KAZN: variants seen among roughly 807,000 people sequenced by gnomAD.
KAZN encodes kazrin.
In KAZN, 40 loss-of-function variants were observed where a neutral mutation model predicts 87.4. The observed-to-expected ratio is 0.46, with a 90% CI of 0.36 to 0.60. The LOEUF (loss-of-function observed/expected upper bound fraction) is 0.60, where lower values mean the gene tolerates loss of function less well. Ranked by LOEUF, KAZN falls within the 20% of genes least tolerant of loss-of-function variation. The pLI is 0.00. For missense variants in KAZN, 898 were observed against 1,073.9 expected (o/e 0.84, Z 2.29); for synonymous variants, 466 against 458.3 (o/e 1.02, Z -0.22).
chr1:15,100,431 C>T (rs1319854109), intron 10 of KAZN, among the ~76,000 whole-genome samples: 3 of 152,146 alleles, frequency 2.0e-5, no homozygotes, highest in South Asian at 2.1e-4. Flanking sequence ...CTGATGGCTT[C>T]GTGGCCCCCT....
chr1:14,693,924 G>A (rs1228509957), intron 1 of KAZN, among the ~76,000 whole-genome samples: 1 of 152,226 alleles, frequency 6.6e-6, no homozygotes, highest in Non-Finnish European at 1.5e-5. Context: ...CTGCGACCAT[G>A]ATGGTCTGTT....
Position 15,021,624 on chromosome 1 carries a change from G to T in KAZN, c.419-13125G>T, listed in dbSNP as rs183145535. On this transcript the variant is annotated intron_variant, in intron 2 of 14. Transcript: ENST00000376030. The surrounding 1 kb of genome is among the most constrained non-coding windows in gnomAD (Gnocchi z 4.2). ...AGGTGACCTCTGAGCTCTTCCAGGG[G>T]CAGTCCTGAGCCGGGGTGGTGGCAG... 1.3e-4 allele frequency among the ~76,000 whole-genome samples: 20 copies of T among 152,298 alleles called. No individual in the cohort carries two copies. The highest frequency in any genetic ancestry group is 2.4e-4 in the Non-Finnish European group (16 of 68,024).
intron 2 of KAZN, among the ~76,000 whole-genome samples, chr1:14,984,014 A>G (rs906258209): frequency 3.9e-5 from 6 of 152,202 alleles, no homozygotes; most frequent in Admixed American, 1.3e-4. Flanking sequence ...TGAAGTTTAT[A>G]TAGATTTGTA....
intron 1 of KAZN, among the ~76,000 whole-genome samples, chr1:14,676,717 G>A (rs1372333328): frequency 6.6e-6 from 1 of 152,172 alleles, no homozygotes; most frequent in Non-Finnish European, 1.5e-5. Flanking sequence ...TATATTGTAT[G>A]ATCCCATTTA....
rs140045144 is a variant in KAZN, at chr1:15,009,020, G to A, written c.419-25729G>A. The stretch of plus-strand genomic sequence containing the variant: ...TCTCTTGCAGAAGTAAATAAAGCCC[G>A]TGTGCTGAGTTGGCAGTTTTGCACA... On this transcript the variant is annotated intron_variant, in intron 2 of 14. Coordinates refer to ENST00000376030, the MANE Select transcript of KAZN (RefSeq NM_201628.3). Among the ~76,000 whole-genome samples the A allele has an allele frequency of 3.1e-3, 474 of 152,288 alleles. 3 individuals are homozygous for A. The highest frequency in any genetic ancestry group is 0.02 in the Middle Eastern group (6 of 294).
chr1:14,451,962 T>TG (rs1421722361), intron 2 of KAZN, among the ~76,000 whole-genome samples: 10 of 152,142 alleles, frequency 6.6e-5, no homozygotes, highest in African/African-American at 2.4e-4. Context: ...TGTTTTAAGA[T>TG]GGAGTCTCGC....
chr1:14,722,795 CTACGTGAGT>C (rs1557916619), intron 1 of KAZN, among the ~76,000 whole-genome samples: 7 of 152,130 alleles, frequency 4.6e-5, no homozygotes, highest in Non-Finnish European at 8.8e-5. Context: ...GCCCCTGTTC[CTACGTGAGT>C]TTGAAGCAAA....
chr1:14,660,360 A>G (rs925791673), intron 1 of KAZN, among the ~76,000 whole-genome samples: 3 of 152,198 alleles, frequency 2.0e-5, no homozygotes, highest in Non-Finnish European at 4.4e-5. Flanking sequence ...CAAGGCAGAT[A>G]CTGTCATAGA....
chr1:14,419,533 C>G (rs1036967359), intron 2 of KAZN, among the ~76,000 whole-genome samples: 1 of 152,138 alleles, frequency 6.6e-6, no homozygotes, highest in South Asian at 2.1e-4. Context: ...GGGAAGTGTC[C>G]GGAATTTGTG....
intron 2 of KAZN, among the ~76,000 whole-genome samples, chr1:14,961,865 T>C (rs1172768341): frequency 6.6e-6 from 1 of 152,220 alleles, no homozygotes; most frequent in Non-Finnish European, 1.5e-5. Flanking sequence ...TTAAAGAATC[T>C]GTTTCTTCCT....
At chr1:14,664,778 C>T (rs374516717) in intron 1 of KAZN, among the ~76,000 whole-genome samples, 28 of 151,646 alleles carry the variant, frequency 1.8e-4, no homozygotes, top group African/African-American at 6.5e-4. Context: ...CTCAGCCTCC[C>T]GAGTAGCTGG....
intron 1 of KAZN, among the ~76,000 whole-genome samples, chr1:14,839,589 A>T (rs1207911758): frequency 6.6e-6 from 1 of 152,144 alleles, no homozygotes; most frequent in Non-Finnish European, 1.5e-5. Flanking sequence ...CTGTCTCTCT[A>T]TTCTGACGGC....
intron 2 of KAZN, among the ~76,000 whole-genome samples, chr1:14,534,124 A>G (rs1357207251): frequency 1.3e-5 from 2 of 152,166 alleles, no homozygotes; most frequent in Admixed American, 1.3e-4. Context: ...CCAGGCAAGA[A>G]TAACCCCACT....
chr1:15,075,357 C>G (rs74059815), intron 8 of KAZN, among the ~76,000 whole-genome samples: 4,151 of 152,280 alleles, frequency 0.027, 179 homozygotes, highest in African/African-American at 0.095. Flanking sequence ...CAGCACAACC[C>G]TTTCACTTAT....
chr1:14,876,408 T>C (rs886185929), intron 1 of KAZN, among the ~76,000 whole-genome samples: 4 of 152,256 alleles, frequency 2.6e-5, no homozygotes, highest in Non-Finnish European at 4.4e-5. Flanking sequence ...AACATGCCTT[T>C]GGCAACAGAG....
chr1:14,652,764 C>T (rs1229646555), intron 1 of KAZN, among the ~76,000 whole-genome samples: 2 of 150,084 alleles, frequency 1.3e-5, no homozygotes, highest in South Asian at 2.1e-4. Context: ...CACCCATCCA[C>T]GCATCCAGAA....
chr1:13,999,717 G>A (rs932901322), intron 1 of KAZN, among the ~76,000 whole-genome samples: 2 of 152,108 alleles, frequency 1.3e-5, no homozygotes, highest in African/African-American at 4.8e-5. Flanking sequence ...CAGAATTGAA[G>A]GAGATAGAGA....
intron 1 of KAZN, among the ~76,000 whole-genome samples, chr1:14,752,796 T>TA (rs1644449024): frequency 6.6e-6 from 1 of 152,180 alleles, no homozygotes; most frequent in South Asian, 2.1e-4. Context: ...CGCTTAGTTT[T>TA]ATTAATCACA....
chr1:14,730,728 C>A (rs1572343085), intron 1 of KAZN, among the ~76,000 whole-genome samples: 1 of 152,142 alleles, frequency 6.6e-6, no homozygotes, highest in East Asian at 1.9e-4. Flanking sequence ...ATGCAAGTGC[C>A]CCAATCTGTC....
Sources: allele counts gnomAD v4.1 joint callset (sites outside exome capture counted in the v4.1 genomes callset), GRCh38; gene constraint gnomAD v4.1.1; non-coding constraint Gnocchi (gnomAD v3.1); transcripts MANE v1.5; gene names NCBI Gene and HGNC (gene_info 2026-07-23, HGNC 2026-07-21).